Variants in NOL8 observed in about 807,000 individuals in gnomAD.
NOL8 encodes the protein nucleolar protein Nop132.
Under a neutral mutation model 116.1 loss-of-function variants are expected in NOL8, and 93 were observed. That is an observed-to-expected ratio of 0.80 (90% CI 0.68 to 0.95). The LOEUF (loss-of-function observed/expected upper bound fraction) is 0.95, where lower values mean the gene tolerates loss of function less well. Ranked by LOEUF, NOL8 falls within the 40% of genes least tolerant of loss-of-function variation. The pLI, the probability that NOL8 is intolerant of heterozygous loss-of-function variation, is 0.00. For synonymous variants in NOL8, 419 were observed against 469.0 expected (o/e 0.89, Z 1.38); for missense variants, 1,291 against 1,382.8 (o/e 0.93, Z 1.05).
chr9:92,310,634 ACTG>A lies in NOL8; in HGVS notation c.2511_2513del (p.Ser838del). The A allele has an allele frequency of 6.2e-7, 1 of 1,612,522 alleles. No homozygotes were observed. Among genetic ancestry groups the A allele is most frequent in the Non-Finnish European group, 8.5e-7 (1 of 1,179,366 alleles). The stretch of plus-strand genomic sequence containing the variant: ...CTTCAGAATCAGATTCGTCATCATC[ACTG>A]CTATCAAACAGCTTCCCTGATGTTT... On this transcript the variant is annotated inframe_deletion, in exon 9 of 17. Transcript: ENST00000442668.
intron 1 of NOL8, chr9:92,324,996 G>A (rs1840335483): frequency 1.3e-5 from 2 of 152,086 alleles, no homozygotes. Flanking sequence ...TGTATCACAG[G>A]GGACTCAGGA....
chr9:92,300,907 T>C (rs1416198313), intron 13 of NOL8: 5 of 998,786 alleles, frequency 5.0e-6, no homozygotes, highest in Admixed American at 1.0e-4. Context: ...GTTAGGTATG[T>C]GTGTATTCTT....
At position 92,314,390 on chromosome 9, in the gene NOL8, C is replaced by G. The variant is rs369695092; in HGVS notation, c.2235G>C (p.Ser745=). ...KTDFSLSISN[S]SDVSAKDKHA... ...GCTTATCTTTAGCACTCACATCTGA[C>G]GAATTACTAATAGAAAGTGAGAAAT... The change falls in exon 7 of 17, where the codon TCG becomes TCC. Residue 745 remains serine (S), a synonymous_variant. Coordinates refer to ENST00000442668, the MANE Select transcript of NOL8 (RefSeq NM_017948.6). The G allele has an allele frequency of 1.2e-6, 2 of 1,613,652 alleles. No individual in the cohort carries two copies. Among genetic ancestry groups the G allele is most frequent in the Middle Eastern group, 1.7e-4 (1 of 6,058 alleles).
rs758042052 is a variant in NOL8, at chr9:92,315,395, A to C, written c.1230T>G (p.Thr410=). 3 of 1,595,732 alleles carry C rather than the reference A, an allele frequency of 1.9e-6. No individual in the cohort carries two copies. Among genetic ancestry groups the C allele is most frequent in the Non-Finnish European group, 2.6e-6 (3 of 1,169,732 alleles). The change falls in exon 7 of 17, where the codon ACT becomes ACG. Residue 410 remains threonine, a synonymous_variant. Coordinates refer to ENST00000442668, the MANE Select transcript of NOL8 (RefSeq NM_017948.6). ...FSQMEKSTKK[T]SFKNRENCEL... ...CACAGTTTTCTCTATTTTTGAAAGA[A>C]GTTTTCTTCGTAGATTTTTCCATTT...
At position 92,315,087 on chromosome 9, in the gene NOL8, G is replaced by A; in HGVS notation, c.1538C>T (p.Thr513Ile). ...NEDTKSDGPE[T>I]TTQCKFDRGS... Reference sequence around the variant, plus strand: ...TCTGTCAAACTTGCATTGGGTGGTGGTTTCTGGTCCATCACTCTTAGTATC... The same window carrying A: ...TCTGTCAAACTTGCATTGGGTGGTGATTTCTGGTCCATCACTCTTAGTATC... Residue 513 changes from threonine to isoleucine, a missense_variant, in exon 7 of 17, where the codon ACC (threonine) becomes ATC (isoleucine). Coordinates refer to ENST00000442668, the MANE Select transcript of NOL8 (RefSeq NM_017948.6). The A allele has an allele frequency of 6.2e-7, 1 of 1,613,986 alleles. No individual in the cohort carries two copies. Among genetic ancestry groups the A allele is most frequent in the South Asian group, 1.1e-5 (1 of 91,080 alleles).
In NOL8 at chr9:92,314,508, G is replaced by T; in HGVS notation, c.2117C>A (p.Ala706Asp). 1.9e-6 allele frequency: 3 copies of T among 1,613,636 alleles called. No homozygotes were observed. The African/African-American group carries it at 4.0e-5, about 22-fold the overall frequency. Residue 706 changes from alanine (A) to aspartate (D), a missense_variant, in exon 7 of 17, where the codon GCT becomes GAT. Transcript: ENST00000442668. ...DSCHSTTKTE[A>D]SQEERSDSSG... The stretch of plus-strand genomic sequence containing the variant: ...TGAATCAGACCGCTCTTCCTGTGAA[G>T]CTTCTGTCTTTGTGGTACTATGGCA...
chr9:92,324,147 T>C lies in NOL8; in HGVS notation c.15A>G (p.Arg5=). The change falls in exon 2 of 17, where the codon AGA becomes AGG. Residue 5 remains arginine, a synonymous_variant. Coordinates refer to ENST00000442668, the MANE Select transcript of NOL8 (RefSeq NM_017948.6). ...CACCCACATAAAGGCGCTTCGTTTC[T>C]CTGTTCACTTTCATGAAGGCTGGGC... MKVN[R]ETKRLYVGGL... 6.2e-7 allele frequency: 1 copy of C among 1,613,768 alleles called. No individual in the cohort carries two copies.
rs115876810 is a variant in NOL8, at chr9:92,306,859, T to C, written c.2825+27A>G. ...ACATTTATGGCAAAGGATGATATGGTAGAATGGGATGGAACATAAAACATA... is the reference window on the plus strand; with the variant it reads ...ACATTTATGGCAAAGGATGATATGGCAGAATGGGATGGAACATAAAACATA... On this transcript the variant is annotated intron_variant, in intron 11 of 16. Coordinates refer to ENST00000442668, the MANE Select transcript of NOL8 (RefSeq NM_017948.6). 180 of 1,600,152 alleles carry C rather than the reference T, an allele frequency of 1.1e-4. 1 individual carries two copies. The African/African-American group carries it at 2.3e-3, about 21-fold the overall frequency.
intron 12 of NOL8, among the ~76,000 whole-genome samples, chr9:92,302,076 A>AT (rs1362488978): frequency 6.6e-6 from 1 of 152,206 alleles, no homozygotes; most frequent in Non-Finnish European, 1.5e-5. Flanking sequence ...ATATTCTATC[A>AT]TTCTCTGAAC....
In NOL8 at chr9:92,319,299, G is replaced by A. The variant is rs201932915; in HGVS notation, c.339C>T (p.Asn113=). ...CTCCTGTCTTTTCTAACAAGTTGGC[G>A]TTACCTGTTGTTGATTCTTCTTTCT... is the stretch of plus-strand genomic sequence containing the variant. ...KAKKEESTTG[N]ANLLEKTGGV... Residue 113 remains asparagine, a synonymous_variant, in exon 5 of 17, where the codon AAC becomes AAT. Coordinates refer to ENST00000442668, the MANE Select transcript of NOL8 (RefSeq NM_017948.6). The A allele has an allele frequency of 7.7e-4, 1,229 of 1,596,588 alleles. 4 individuals carry two copies. In the Middle Eastern group the frequency reaches 0.013, roughly 18 times the overall value.
At chr9:92,310,813 G>C (rs1838709592) in intron 8 of NOL8, 138 bp from the exon 9 acceptor site, 1 of 883,168 alleles carries the variant, frequency 1.1e-6, no homozygotes, top group Non-Finnish European at 1.7e-6. Flanking sequence ...AGGTCAGGTG[G>C]AAATTCCTGA....
chr9:92,321,473 C>G (rs989550531), intron 4 of NOL8, among the ~76,000 whole-genome samples, 195 bp downstream of exon 4: 1 of 152,028 alleles, frequency 6.6e-6, no homozygotes, highest in Non-Finnish European at 1.5e-5. Context: ...TACATACATA[C>G]GTAAATGCAT....
Position 92,315,432 on chromosome 9 carries a change from G to C in NOL8, c.1193C>G (p.Thr398Arg), listed in dbSNP as rs1465932438. ...KKNVAKVKNS[T>R]EFSQMEKSTK... ...AGATTTTTCCATTTGTGAAAATTCTGTACTGTTTTTGACCTTAGCAACATT... is the reference window on the plus strand; with the variant it reads ...AGATTTTTCCATTTGTGAAAATTCTCTACTGTTTTTGACCTTAGCAACATT... Residue 398 changes from threonine (T) to arginine (R), a missense_variant, in exon 7 of 17, where the codon ACA (threonine) becomes AGA (arginine). Thr to Arg is a moderately conservative substitution (Grantham distance 71). Transcript: ENST00000442668. 1 of 1,590,852 alleles carries C rather than the reference G, an allele frequency of 6.3e-7. No individual in the cohort carries two copies. The highest frequency in any genetic ancestry group is 8.6e-7 in the Non-Finnish European group (1 of 1,167,172).
In NOL8 at chr9:92,315,053, C is replaced by T. The variant is rs767030714; in HGVS notation, c.1572G>A (p.Lys524=). The T allele has an allele frequency of 5.0e-6, 8 of 1,614,050 alleles. No homozygotes were observed. The highest frequency in any genetic ancestry group is 6.8e-6 in the Non-Finnish European group (8 of 1,179,908). ...TTQCKFDRGS[K]SPKTPTGLRR... ...GGAGGCCAGTGGGAGTCTTGGGGCT[C>T]TTGGAGCCTCTGTCAAACTTGCATT... Residue 524 remains lysine, a synonymous_variant, in exon 7 of 17, where the codon AAG becomes AAA. Transcript: ENST00000442668.
At chr9:92,306,154 C>T (rs1285355924) in intron 11 of NOL8, among the ~76,000 whole-genome samples, 4 of 152,016 alleles carry the variant, frequency 2.6e-5, no homozygotes, top group African/African-American at 9.7e-5. Flanking sequence ...CCACCATGCC[C>T]GGCTAATTTT....
At chr9:92,310,801 G>A (rs1221983563) in intron 8 of NOL8, 126 bp from the exon 9 acceptor site, 17 of 1,025,750 alleles carry the variant, frequency 1.7e-5, no homozygotes, top group Non-Finnish European at 4.2e-6. Flanking sequence ...TGAGTAAATG[G>A]CAGGTCAGGT....
chr9:92,323,714 A>G (rs1840140866), intron 2 of NOL8, among the ~76,000 whole-genome samples: 1 of 152,166 alleles, frequency 6.6e-6, no homozygotes. Flanking sequence ...CAGTAGTCAG[A>G]TAAGGAAACA....
intron 5 of NOL8, 194 bp downstream of exon 5, chr9:92,319,027 G>C (rs1268432745): frequency 1.1e-5 from 6 of 568,020 alleles, no homozygotes; most frequent in Non-Finnish European, 1.7e-5. Context: ...TTCTTTCTCT[G>C]TAAAATGATG....
intron 15 of NOL8, 56 bp from the exon 16 acceptor site, chr9:92,298,392 T>C: frequency 9.0e-7 from 1 of 1,113,688 alleles, no homozygotes; most frequent in Non-Finnish European, 1.3e-6. Context: ...AAATTGGTAA[T>C]ATTCTAAGTG....
Sources: allele counts gnomAD v4.1 joint callset (sites outside exome capture counted in the v4.1 genomes callset), GRCh38; gene constraint gnomAD v4.1.1; transcripts MANE v1.5; gene names NCBI Gene and HGNC (gene_info 2026-07-23, HGNC 2026-07-21).